The following TECPR2 variants were observed in gnomAD, a reference collection of about 807,000 sequenced individuals.
TECPR2 encodes tectonin beta-propeller repeat-containing protein 2.
Under a neutral mutation model 138.1 loss-of-function variants are expected in TECPR2, and 65 were observed. That is an observed-to-expected ratio of 0.47 (90% CI 0.39 to 0.58). TECPR2 has a LOEUF of 0.58. Ranked by LOEUF, TECPR2 falls within the 20% of genes least tolerant of loss-of-function variation. The pLI, the probability that TECPR2 is intolerant of heterozygous loss-of-function variation, is 0.00. For synonymous variants in TECPR2, 746 were observed against 749.8 expected (o/e 0.99, Z 0.08); for missense variants, 1,553 against 1,824.5 (o/e 0.85, Z 2.71).
intron 10 of TECPR2, among the ~76,000 whole-genome samples, chr14:102,439,276 C>T (rs1318796629): frequency 1.3e-5 from 2 of 152,108 alleles, no homozygotes; most frequent in East Asian, 1.9e-4. Flanking sequence ...AGAAGTCAGA[C>T]GAAGCCGAAG....
Position 102,428,397 on chromosome 14 carries a change from T to C in TECPR2, c.1084+15T>C. ...AACATCAACAGGTTTGTATTTATTATAAAATGTACCATGTATATGATGGGA... is the reference window on the plus strand; with the variant it reads ...AACATCAACAGGTTTGTATTTATTACAAAATGTACCATGTATATGATGGGA... On this transcript the variant is annotated intron_variant, in intron 7 of 19. Transcript: ENST00000359520. 1 of 1,608,092 alleles carries C rather than the reference T, an allele frequency of 6.2e-7. No individual in the cohort carries two copies. Among genetic ancestry groups the C allele is most frequent in the African/African-American group, 1.3e-5 (1 of 74,696 alleles).
intron 12 of TECPR2, among the ~76,000 whole-genome samples, chr14:102,444,774 C>A (rs1567344716): frequency 6.6e-6 from 1 of 152,098 alleles, no homozygotes; most frequent in Non-Finnish European, 1.5e-5. Flanking sequence ...GAGTTCGAGA[C>A]CAGACTGACC....
chr14:102,450,787 G>GT (rs1489979376), intron 15 of TECPR2, 138 bp downstream of exon 15: 7 of 818,622 alleles, frequency 8.6e-6, no homozygotes, highest in Non-Finnish European at 1.4e-5. Context: ...TCAGAGGCCA[G>GT]TAGCCCTTGT....
intron 2 of TECPR2, among the ~76,000 whole-genome samples, chr14:102,398,072 CAAAAAA>C (rs560266373): frequency 2.2e-5 from 1 of 45,804 alleles, no homozygotes; most frequent in Admixed American, 2.1e-4. Flanking sequence ...GATTCTGTCT[CAAAAAA>C]AAAAAAAAAA....
Position 102,450,562 on chromosome 14 carries a change from A to C in TECPR2, c.3319A>C (p.Thr1107Pro). ...FHVAKGSLIG[T>P]YWNHVVPRGT... ...TTCTTCCTATTTACTCTTTCCAGGC[A>C]CCTACTGGAATCATGTGGTTCCCCG... The change falls in exon 15 of 20, where the codon ACC (threonine) becomes CCC (proline). Residue 1107 changes from threonine (T) to proline (P), a missense_variant and splice_region_variant. Physicochemically the swap from Thr to Pro is conservative, Grantham distance 38. Coordinates refer to ENST00000359520, the MANE Select transcript of TECPR2 (RefSeq NM_014844.5). 1 of 1,613,984 alleles carries C rather than the reference A, an allele frequency of 6.2e-7. No individual in the cohort carries two copies. The highest frequency in any genetic ancestry group is 1.7e-5 in the Admixed American group (1 of 60,004).
chr14:102,464,258 G>A (rs1890491839), intron 16 of TECPR2, among the ~76,000 whole-genome samples: 1 of 152,190 alleles, frequency 6.6e-6, no homozygotes, highest in Admixed American at 6.5e-5. Context: ...GTTGACTGCT[G>A]TTCTTTTAGC....
intron 16 of TECPR2, among the ~76,000 whole-genome samples, chr14:102,456,865 A>C (rs1457970587): frequency 5.9e-5 from 9 of 152,012 alleles, no homozygotes; most frequent in Admixed American, 5.9e-4. Flanking sequence ...CTGGGATTAC[A>C]GGTGTGAGCT....
At chr14:102,410,661 T>C (rs1023605420) in intron 4 of TECPR2, among the ~76,000 whole-genome samples, 4 of 152,096 alleles carry the variant, frequency 2.6e-5, no homozygotes, top group Non-Finnish European at 5.9e-5. Context: ...TAGGCCCCAG[T>C]CTCATTCCGG....
At chr14:102,483,639 T>C (rs1198288946) in intron 17 of TECPR2, among the ~76,000 whole-genome samples, 1 of 151,750 alleles carries the variant, frequency 6.6e-6, no homozygotes, top group East Asian at 1.9e-4. Flanking sequence ...AGATGGAGTC[T>C]CACTATATTG....
At chr14:102,412,498 A>G (rs1744205917) in intron 4 of TECPR2, among the ~76,000 whole-genome samples, 1 of 152,230 alleles carries the variant, frequency 6.6e-6, no homozygotes, top group Non-Finnish European at 1.5e-5. Flanking sequence ...TAATCGGGAA[A>G]GTCTAGCTAT....
intron 17 of TECPR2, among the ~76,000 whole-genome samples, chr14:102,476,218 A>C (rs1890757127): frequency 1.3e-5 from 2 of 150,800 alleles, no homozygotes; most frequent in Admixed American, 1.3e-4. Context: ...AAAAAAAAAA[A>C]AAAAAAAAAA....
chr14:102,411,539 C>T (rs923471738), intron 4 of TECPR2, among the ~76,000 whole-genome samples: 16 of 151,864 alleles, frequency 1.1e-4, no homozygotes, highest in African/African-American at 3.4e-4. Flanking sequence ...GAGCACCTTG[C>T]GACCCCTGCC....
At chr14:102,456,007 T>C (rs1347959459) in intron 16 of TECPR2, among the ~76,000 whole-genome samples, 2 of 152,010 alleles carry the variant, frequency 1.3e-5, no homozygotes, top group African/African-American at 4.8e-5. Flanking sequence ...ACCTGCCTTG[T>C]CCTCCCAACG....
At chr14:102,436,335 C>T (rs7141595) in intron 9 of TECPR2, among the ~76,000 whole-genome samples, 5,677 of 77,244 alleles carry the variant, frequency 0.073, 98 homozygotes, top group Middle Eastern at 0.17. Flanking sequence ...TTTTTTTTTT[C>T]TGAGACAGGG....
intron 17 of TECPR2, among the ~76,000 whole-genome samples, chr14:102,492,483 G>T (rs922408229): frequency 6.6e-6 from 1 of 152,236 alleles, no homozygotes; most frequent in Non-Finnish European, 1.5e-5. Flanking sequence ...GTTTTCAAAT[G>T]TATATTTTCC....
rs1356965104 is a variant in TECPR2, at chr14:102,443,054, G to A, written c.2753-593G>A. Among the ~76,000 whole-genome samples the A allele has an allele frequency of 6.6e-6, 1 of 152,224 alleles. No homozygotes were observed. Among genetic ancestry groups the A allele is most frequent in the Non-Finnish European group, 1.5e-5 (1 of 68,034 alleles). On this transcript the variant is annotated intron_variant, in intron 11 of 19. Transcript: ENST00000359520. The surrounding 1 kb of genome is among the most constrained non-coding windows in gnomAD (Gnocchi z 4.9). ...ATTAGTGGAACCTCGCACCCAGTCA[G>A]AGCAGAGAGGAGCCGCCGTGCTGGA...
rs946591784 is a variant in TECPR2 at position 102,465,465 on chromosome 14, T to G, written c.3789+176T>G. On this transcript the variant is annotated intron_variant, in intron 17 of 19. Coordinates refer to ENST00000359520, the MANE Select transcript of TECPR2 (RefSeq NM_014844.5). ...CAACATCACAACTGGAATTCGGGAT[T>G]TGTGAAGTTTAGAGCTGAACAGACT... 99 of 1,405,962 alleles carry G rather than the reference T, an allele frequency of 7.0e-5. No individual in the cohort carries two copies. The highest frequency in any genetic ancestry group is 5.2e-4 in the Middle Eastern group (2 of 3,814). The allele number at this position is 1,405,962 out of a possible 1,614,324, so 87.1% of individuals were successfully genotyped here. A position where few individuals can be genotyped will look rare whatever the true frequency, so the allele number is the denominator to read the frequency against.
chr14:102,394,330 G>T (rs1414184201), intron 2 of TECPR2, among the ~76,000 whole-genome samples: 3 of 152,144 alleles, frequency 2.0e-5, no homozygotes, highest in Non-Finnish European at 4.4e-5. Flanking sequence ...TTACTACCAG[G>T]CACGGTGGCT....
At chr14:102,439,526 A>G (rs778876353) in intron 10 of TECPR2, among the ~76,000 whole-genome samples, 10 of 152,152 alleles carry the variant, frequency 6.6e-5, no homozygotes, top group Non-Finnish European at 1.5e-4. Context: ...CGTTGGTATC[A>G]TTTACCTTCA....
Sources: gnomAD v4.1 joint callset for allele counts (sites outside exome capture counted in the v4.1 genomes callset) on GRCh38, gnomAD v4.1.1 for gene constraint, Gnocchi (gnomAD v3.1) non-coding constraint, MANE v1.5 for transcripts, NCBI Gene and HGNC (gene_info 2026-07-23, HGNC 2026-07-21) for gene names.